The following NR3C2 variants were observed in gnomAD, a reference collection of about 807,000 sequenced individuals.
NR3C2 encodes nuclear receptor subfamily 3 group C member 2.
In NR3C2, 15 loss-of-function variants were observed where a neutral mutation model predicts 86.4. That is an observed-to-expected ratio of 0.17 (90% CI 0.12 to 0.27). The LOEUF (loss-of-function observed/expected upper bound fraction) is 0.27, where lower values mean the gene tolerates loss of function less well. Among genes scored for constraint, NR3C2 ranks in the 10% least tolerant of loss-of-function variants. NR3C2 has a pLI of 1.00. For synonymous variants in NR3C2, 458 were observed against 450.5 expected (o/e 1.02, Z -0.21); for missense variants, 960 against 1,195.6 (o/e 0.80, Z 2.91).
At chr4:148,264,714 T>C (rs181050642) in intron 2 of NR3C2, among the ~76,000 whole-genome samples, 16 of 152,262 alleles carry the variant, frequency 1.1e-4, no homozygotes, top group African/African-American at 3.1e-4. Flanking sequence ...GATAAAAGTA[T>C]AAAAATAAAT....
chr4:148,272,666 T>C (rs1309820175), intron 2 of NR3C2, among the ~76,000 whole-genome samples: 1 of 152,196 alleles, frequency 6.6e-6, no homozygotes, highest in African/African-American at 2.4e-5. Flanking sequence ...TATACCAAAA[T>C]AACTTTCATC....
intron 2 of NR3C2, among the ~76,000 whole-genome samples, chr4:148,372,503 TA>T (rs1044475527): frequency 2.8e-4 from 41 of 148,142 alleles, no homozygotes; most frequent in African/African-American, 4.9e-4. Flanking sequence ...CTTAACATGT[TA>T]AAAAAAAAAC....
chr4:148,345,718 T>G (rs192524073), intron 2 of NR3C2, among the ~76,000 whole-genome samples: 4 of 152,052 alleles, frequency 2.6e-5, no homozygotes, highest in Admixed American at 2.6e-4. Context: ...AAAGGTTAAT[T>G]AAACCTGAGG....
intron 8 of NR3C2, among the ~76,000 whole-genome samples, chr4:148,110,173 A>G (rs1328538584): frequency 6.6e-6 from 1 of 152,236 alleles, no homozygotes; most frequent in Admixed American, 6.5e-5. Context: ...CATTCAGAGG[A>G]CTTATGATTC....
At chr4:148,166,010 T>C (rs926990413) in intron 4 of NR3C2, among the ~76,000 whole-genome samples, 2 of 152,238 alleles carry the variant, frequency 1.3e-5, no homozygotes, top group Non-Finnish European at 2.9e-5. Flanking sequence ...ACCTTAATAG[T>C]TATTGCTTTT....
At position 148,398,845 on chromosome 4, in the gene NR3C2, A is replaced by G. The variant is rs568958596; in HGVS notation, c.1757+36259T>C. Among the ~76,000 whole-genome samples the G allele has an allele frequency of 1.1e-4, 17 of 152,322 alleles. No homozygotes were observed. The East Asian group carries it at 3.1e-3, about 28-fold the overall frequency. On this transcript the variant is annotated intron_variant, in intron 2 of 8. Coordinates refer to ENST00000358102, the MANE Select transcript of NR3C2 (RefSeq NM_000901.5). ...AAGTACCCTGGGTAGTGAGATAAAG[A>G]GTAACGATTGTGTACATGTGCATGC...
intron 2 of NR3C2, among the ~76,000 whole-genome samples, chr4:148,407,846 G>A (rs565092463): frequency 6.6e-6 from 1 of 152,264 alleles, no homozygotes; most frequent in South Asian, 2.1e-4. Context: ...CTGGAATGAT[G>A]TTCAATCCTG....
chr4:148,428,038 G>A (rs1749634692), intron 2 of NR3C2, among the ~76,000 whole-genome samples: 2 of 152,186 alleles, frequency 1.3e-5, no homozygotes, highest in South Asian at 4.1e-4. Flanking sequence ...TATTCTAATA[G>A]CAAAAGGAAA....
At chr4:148,376,303 A>T (rs1746677424) in intron 2 of NR3C2, among the ~76,000 whole-genome samples, 1 of 152,132 alleles carries the variant, frequency 6.6e-6, no homozygotes, top group South Asian at 2.1e-4. Flanking sequence ...ACAGTATTTA[A>T]AAAAAAGAAT....
At chr4:148,368,653 A>T (rs1376504042) in intron 2 of NR3C2, among the ~76,000 whole-genome samples, 1 of 152,160 alleles carries the variant, frequency 6.6e-6, no homozygotes, top group African/African-American at 2.4e-5. Flanking sequence ...GCTGAATTTC[A>T]AATGTGGGGA....
intron 8 of NR3C2, among the ~76,000 whole-genome samples, chr4:148,090,701 C>T (rs995465807): frequency 6.6e-6 from 1 of 152,148 alleles, no homozygotes; most frequent in African/African-American, 2.4e-5. Context: ...AAGGGCTTGG[C>T]TGTTTTTCCT....
intron 2 of NR3C2, among the ~76,000 whole-genome samples, chr4:148,341,709 T>C (rs1744756603): frequency 6.6e-6 from 1 of 152,092 alleles, no homozygotes; most frequent in African/African-American, 2.4e-5. Context: ...ACACCACATG[T>C]ACCCCCAACA....
intron 2 of NR3C2, among the ~76,000 whole-genome samples, chr4:148,404,149 T>C (rs373979958): frequency 5.1e-4 from 77 of 152,216 alleles, no homozygotes; most frequent in African/African-American, 1.8e-3. Context: ...TAAAAATTCA[T>C]GTCCAAGTTG....
intron 3 of NR3C2, among the ~76,000 whole-genome samples, chr4:148,202,041 A>G (rs1481817799): frequency 6.6e-6 from 1 of 152,246 alleles, no homozygotes; most frequent in East Asian, 1.9e-4. Context: ...AGGTGCTTCA[A>G]TTACATCTTA....
At chr4:148,241,326 A>G in intron 3 of NR3C2, among the ~76,000 whole-genome samples, 1 of 145,562 alleles carries the variant, frequency 6.9e-6, no homozygotes, top group Middle Eastern at 3.5e-3. Flanking sequence ...AAAAAAAAAA[A>G]AAAAAAAGGG....
At chr4:148,110,240 G>C (rs1471257382) in intron 8 of NR3C2, among the ~76,000 whole-genome samples, 3 of 152,156 alleles carry the variant, frequency 2.0e-5, no homozygotes, top group Non-Finnish European at 4.4e-5. Flanking sequence ...TTCAGAGAAT[G>C]TTCCTTTCAC....
intron 5 of NR3C2, 76 bp from the exon 6 acceptor site, chr4:148,152,689 AC>A: frequency 7.1e-7 from 1 of 1,415,138 alleles, no homozygotes; most frequent in Non-Finnish European, 1.0e-6. Context: ...TCTTAAGTCA[AC>A]CCCAAACAGC....
chr4:148,429,484 C>T (rs1213872921), intron 2 of NR3C2, among the ~76,000 whole-genome samples: 1 of 152,144 alleles, frequency 6.6e-6, no homozygotes, highest in African/African-American at 2.4e-5. Flanking sequence ...CTATTTCTAG[C>T]ACAAAATACA....
intron 4 of NR3C2, among the ~76,000 whole-genome samples, chr4:148,167,107 C>T (rs1001513935): frequency 1.3e-5 from 2 of 152,174 alleles, no homozygotes; most frequent in African/African-American, 2.4e-5. Context: ...TGGTGATTTT[C>T]ACACTTATAT....
Sources: gnomAD v4.1 joint callset for allele counts (sites outside exome capture counted in the v4.1 genomes callset) on GRCh38, gnomAD v4.1.1 for gene constraint, MANE v1.5 for transcripts, NCBI Gene and HGNC (gene_info 2026-07-23, HGNC 2026-07-21) for gene names.